Variants in FUS observed in about 807,000 individuals in gnomAD.
FUS encodes RNA-binding protein FUS.
Under a neutral mutation model 82.7 loss-of-function variants are expected in FUS, and 5 were observed. That is an observed-to-expected ratio of 0.06 (90% CI 0.03 to 0.13). The LOEUF (loss-of-function observed/expected upper bound fraction) is 0.13, where lower values mean the gene tolerates loss of function less well. FUS is among the 10% of genes least tolerant of loss of function. The pLI is 1.00. For missense variants in FUS, 512 were observed against 707.8 expected (o/e 0.72, Z 3.14); for synonymous variants, 281 against 247.4 (o/e 1.14, Z -1.27).
Position 31,190,354 on chromosome 16 carries a change from C to T in FUS, c.1248C>T (p.Gly416=), listed in dbSNP as rs368780804. ...GRGGFPSGGG[G]GGGQQRAGDW... is the part of the protein sequence containing the mutation. Reference sequence around the variant, plus strand: ...GAGGATTTCCCAGTGGAGGTGGTGGCGGTGGAGGACAGCAGCGAGCTGGTG... The same window carrying T: ...GAGGATTTCCCAGTGGAGGTGGTGGTGGTGGAGGACAGCAGCGAGCTGGTG... Residue 416 remains glycine (G), a synonymous_variant, in exon 12 of 15, where the codon GGC becomes GGT. Transcript: ENST00000254108. The T allele has an allele frequency of 7.1e-5, 114 of 1,613,894 alleles. No homozygotes were observed. Among genetic ancestry groups the T allele is most frequent in the South Asian group, 5.8e-4 (53 of 91,072 alleles).
At chr16:31,194,048 G>T (rs771842092), downstream of FUS, 3 of 534,198 alleles carry the variant, frequency 5.6e-6, no homozygotes, top group South Asian at 3.1e-5. Flanking sequence ...GAAGTGAGGA[G>T]GGTGGGGAGA....
chr16:31,192,161 T>C (rs771918755), downstream of FUS: 1 of 528,934 alleles, frequency 1.9e-6, no homozygotes, highest in South Asian at 1.5e-5. Flanking sequence ...ATAAGGAGAC[T>C]GGTCTGGCTG....
At position 31,188,989 on chromosome 16, in the gene FUS, T is replaced by G. The variant is rs1014704582; in HGVS notation, c.833-134T>G. On this transcript the variant is annotated intron_variant, in intron 8 of 14. Transcript: ENST00000254108. ...CTGGCATATAGGGACTCAAAAGGGATGTGGATTTCTTTTTAGTTGTCTTCC... is the reference window on the plus strand; with the variant it reads ...CTGGCATATAGGGACTCAAAAGGGAGGTGGATTTCTTTTTAGTTGTCTTCC... 4 of 732,762 alleles carry G rather than the reference T, an allele frequency of 5.5e-6. No individual in the cohort carries two copies. The African/African-American group carries it at 7.0e-5, about 13-fold the overall frequency. 45.4% of individuals were successfully genotyped at this position (732,762 alleles called of 1,614,324 possible).
At chr16:31,190,879 C>G in intron 13 of FUS, 37 bp downstream of exon 13, 2 of 1,612,884 alleles carry the variant, frequency 1.2e-6, no homozygotes, top group South Asian at 2.2e-5. Context: ...GAGCTGGGAC[C>G]AAAGAATCCT....
intron 3 of FUS, chr16:31,183,615 G>A: frequency 1.9e-6 from 1 of 528,352 alleles, no homozygotes; most frequent in Non-Finnish European, 3.4e-6. Flanking sequence ...AGAGGGTGGT[G>A]CTGGAGATGG....
chr16:31,185,122 G>T lies in FUS; in HGVS notation c.707G>T (p.Ser236Ile), dbSNP rs1271324313. The change falls in exon 6 of 15, where the codon AGT becomes ATT. Residue 236 changes from serine (S) to isoleucine (I), a missense_variant. Physicochemically the swap from Ser to Ile is moderately radical, Grantham distance 142. Coordinates refer to ENST00000254108, the MANE Select transcript of FUS (RefSeq NM_004960.4). ...GGGGGGYNRSSGGYEPRGRGG... is the reference protein window; with the variant it reads ...GGGGGGYNRSIGGYEPRGRGG... ...GGCGGTGGTGGTTACAACCGCAGCAGTGGTGGCTATGAACCCAGAGGTCGT... is the reference window on the plus strand; with the variant it reads ...GGCGGTGGTGGTTACAACCGCAGCATTGGTGGCTATGAACCCAGAGGTCGT... The T allele has an allele frequency of 6.2e-7, 1 of 1,610,498 alleles. No homozygotes were observed. The highest frequency in any genetic ancestry group is 8.5e-7 in the Non-Finnish European group (1 of 1,178,658).
At position 31,189,746 on chromosome 16, in the gene FUS, T is replaced by A; in HGVS notation, c.1018T>A (p.Ser340Thr). The A allele has an allele frequency of 6.2e-7, 1 of 1,614,232 alleles. No individual in the cohort carries two copies. ...CAAGCTGAAGGGAGAGGCAACGGTC[T>A]CTTTTGATGACCCACCTTCAGCTAA... ...TGKLKGEATV[S>T]FDDPPSAKAA... The change falls in exon 10 of 15, where the codon TCT (serine) becomes ACT (threonine). Residue 340 changes from serine to threonine, a missense_variant. By Grantham distance (58) the Ser-to-Thr change is moderately conservative (BLOSUM62 1). Around this residue, in one of 6 missense-constraint regions of FUS, gnomAD observed 26 missense variants for 109.3 expected, o/e 0.24. Transcript: ENST00000254108.
intron 9 of FUS, 58 bp from the exon 10 acceptor site, chr16:31,189,607 A>C: frequency 6.2e-7 from 1 of 1,612,052 alleles, no homozygotes; most frequent in East Asian, 2.2e-5. Context: ...GAGGAAGAAG[A>C]TGGAAAGGGA....
intron 9 of FUS, among the ~76,000 whole-genome samples, 192 bp from the exon 10 acceptor site, chr16:31,189,473 T>C (rs1025823167): frequency 2.6e-5 from 4 of 152,240 alleles, no homozygotes; most frequent in Non-Finnish European, 4.4e-5. Context: ...TAGTAACTTT[T>C]AGTTTTATCT....
At chr16:31,182,071 A>T in intron 1 of FUS, 4 of 384,666 alleles carry the variant, frequency 1.0e-5, no homozygotes, top group South Asian at 8.8e-5. Flanking sequence ...GCTCACTGCA[A>T]CCTCTGCCTC....
downstream of FUS, chr16:31,193,499 C>T (rs547394943): frequency 1.9e-6 from 1 of 529,076 alleles, no homozygotes; most frequent in Non-Finnish European, 3.7e-6. Flanking sequence ...TGGTTGTGGT[C>T]CCCTGATGCC....
In FUS at chr16:31,190,153, C is replaced by T; in HGVS notation, c.1168+12C>T. ...CCGAGGGCGAGGAGGTGAGGAGCTACCTGCTAGTGGTGCAGAGGGGTAATG... is the reference window on the plus strand; with the variant it reads ...CCGAGGGCGAGGAGGTGAGGAGCTATCTGCTAGTGGTGCAGAGGGGTAATG... On this transcript the variant is annotated intron_variant, in intron 11 of 14. Transcript: ENST00000254108. 1 of 1,613,924 alleles carries T rather than the reference C, an allele frequency of 6.2e-7. No individual in the cohort carries two copies. The highest frequency in any genetic ancestry group is 8.5e-7 in the Non-Finnish European group (1 of 1,179,934).
chr16:31,190,089 G>A lies in FUS; in HGVS notation c.1116G>A (p.Arg372=), dbSNP rs762680931. ...TCAAGGTCTCATTTGCTACTCGCCG[G>A]GCAGACTTTAATCGGGGTGGTGGCA... ...NPIKVSFATR[R]ADFNRGGGNG... Residue 372 remains arginine (R), a synonymous_variant, in exon 11 of 15, where the codon CGG becomes CGA. Coordinates refer to ENST00000254108, the MANE Select transcript of FUS (RefSeq NM_004960.4). 4 of 1,614,112 alleles carry A rather than the reference G, an allele frequency of 2.5e-6. No homozygotes were observed. In the Admixed American group the frequency reaches 5.0e-5, roughly 20 times the overall value.
downstream of FUS, chr16:31,192,374 C>G (rs915795942): frequency 1.5e-5 from 8 of 524,374 alleles, no homozygotes; most frequent in East Asian, 4.1e-5. Flanking sequence ...TGTAAACTTG[C>G]ACGTACCTGC....
chr16:31,181,878 A>G (rs2079184605), intron 1 of FUS, among the ~76,000 whole-genome samples: 1 of 152,214 alleles, frequency 6.6e-6, no homozygotes, highest in Admixed American at 6.5e-5. Context: ...GGGACTCTGT[A>G]GAAACTTGCA....
intron 6 of FUS, 37 bp downstream of exon 6, chr16:31,185,216 G>A: frequency 6.4e-7 from 1 of 1,573,090 alleles, no homozygotes; most frequent in Non-Finnish European, 8.6e-7. Flanking sequence ...TCTTTGGTGG[G>A]GAGTGTGGAG....
chr16:31,193,001 G>A (rs1429782724), downstream of FUS: 1 of 482,626 alleles, frequency 2.1e-6, no homozygotes, highest in Admixed American at 2.3e-5. Context: ...TGCTCTTGTT[G>A]CCCAGGCTGG....
chr16:31,194,869 GA>G (rs1353823722), downstream of FUS: 9 of 473,322 alleles, frequency 1.9e-5, no homozygotes, highest in Non-Finnish European at 2.9e-5. Context: ...CATTCAGTAA[GA>G]ATAGTGTGTT....
At chr16:31,193,994 A>G (rs1183595314), downstream of FUS, 1 of 532,512 alleles carries the variant, frequency 1.9e-6, no homozygotes, top group African/African-American at 1.9e-5. Flanking sequence ...TTGAAGCATT[A>G]GGTGTCCCAT....
Sources: allele counts gnomAD v4.1 joint callset (sites outside exome capture counted in the v4.1 genomes callset), GRCh38; gene constraint gnomAD v4.1.1; regional missense constraint gnomAD v4.1.1; transcripts MANE v1.5; gene names NCBI Gene and HGNC (gene_info 2026-07-23, HGNC 2026-07-21).